The following BCAS3 variants were observed in gnomAD, a reference collection of about 807,000 sequenced individuals.
BCAS3 encodes BCAS3 microtubule associated cell migration factor, also known as BCAS4/BCAS3 fusion.
A neutral mutation model predicts 116.1 loss-of-function variants in BCAS3; 53 were observed. That is an observed-to-expected ratio of 0.46 (90% CI 0.37 to 0.57). The LOEUF (loss-of-function observed/expected upper bound fraction) is 0.57, where lower values mean the gene tolerates loss of function less well. Among genes scored for constraint, BCAS3 ranks in the 20% least tolerant of loss-of-function variants. The pLI, the probability that BCAS3 is intolerant of heterozygous loss-of-function variation, is 0.00. For synonymous variants in BCAS3, 391 were observed against 408.2 expected, an observed-to-expected ratio of 0.96 and a Z score of 0.51; for missense variants, 917 against 1,165.4, an observed-to-expected ratio of 0.79 and a Z score of 3.10.
chr17:60,830,141 A>G (rs9896626), intron 7 of BCAS3, among the ~76,000 whole-genome samples: 33,275 of 152,004 alleles, frequency 0.22, 4,699 homozygotes, highest in African/African-American at 0.41. Context: ...ACAGGTGAAT[A>G]CCACCACGCC....
intron 22 of BCAS3, among the ~76,000 whole-genome samples, chr17:61,231,843 A>G (rs1341790632): frequency 7.0e-6 from 1 of 143,260 alleles, no homozygotes; most frequent in Non-Finnish European, 1.5e-5. Flanking sequence ...GCACCACTGC[A>G]CTCAAGCCTG....
chr17:60,740,210 A>G (rs541840234), intron 5 of BCAS3, among the ~76,000 whole-genome samples: 69 of 152,190 alleles, frequency 4.5e-4, no homozygotes, highest in African/African-American at 1.6e-3. Flanking sequence ...AAAGGAAGAT[A>G]TGGTCCATGT....
Position 61,377,802 on chromosome 17 carries a change from A to G in BCAS3, c.2593+9308A>G, listed in dbSNP as rs1259688014. 6.6e-6 allele frequency: 1 copy of G among 152,270 alleles called. No individual in the cohort carries two copies. The highest frequency in any genetic ancestry group is 2.4e-5 in the African/African-American group (1 of 41,464). The allele number at this position is 152,270 out of a possible 1,614,324, so 9.4% of individuals were successfully genotyped here. ...GTCCTCTAATTGTCAGAGCACTGCC[A>G]GGTAGACCTTCCCCTCTCCAGTTTA... On this transcript the variant is annotated intron_variant, in intron 23 of 23. Coordinates refer to ENST00000407086, the MANE Select transcript of BCAS3 (RefSeq NM_017679.5). The surrounding 1 kb of genome is among the most constrained non-coding windows in gnomAD (Gnocchi z 4.6).
chr17:61,322,820 G>C (rs868464500), intron 22 of BCAS3, among the ~76,000 whole-genome samples: 30 of 130,434 alleles, frequency 2.3e-4, no homozygotes, highest in African/African-American at 4.1e-4. Context: ...GAGAGAGAGA[G>C]AGAGAGAGAC....
intron 22 of BCAS3, among the ~76,000 whole-genome samples, chr17:61,329,951 G>C (rs976218105): frequency 3.3e-5 from 5 of 152,152 alleles, no homozygotes; most frequent in Non-Finnish European, 1.5e-5. Flanking sequence ...AGCAGACACT[G>C]TTAGGCGCTA....
Position 61,242,276 on chromosome 17 carries a change from CA to C in BCAS3, c.2426-126033del, listed in dbSNP as rs372656421. On this transcript the variant is annotated intron_variant, in intron 22 of 23. Transcript: ENST00000407086. ...GGGCAGCAAATGTGAAACTCTGTCT[CA>C]AAAAAAAAAAAAAAAAATCCAAACA... 2.6e-3 allele frequency among the ~76,000 whole-genome samples: 339 copies of C among 130,918 alleles called. 1 individual carries two copies. Among genetic ancestry groups the C allele is most frequent in the African/African-American group, 7.8e-3 (265 of 33,840 alleles). The allele number at this position is 130,918 out of a possible 152,430, so 85.9% of individuals were successfully genotyped here. A position where few individuals can be genotyped will look rare whatever the true frequency, so the allele number is the denominator to read the frequency against.
intron 6 of BCAS3, among the ~76,000 whole-genome samples, chr17:60,805,153 A>C (rs907935413): frequency 6.6e-6 from 1 of 151,978 alleles, no homozygotes; most frequent in Non-Finnish European, 1.5e-5. Context: ...TGTAGTTAAA[A>C]ATTTTTAAGT....
chr17:60,912,224 A>G (rs1162884565), intron 12 of BCAS3, among the ~76,000 whole-genome samples: 1 of 152,150 alleles, frequency 6.6e-6, no homozygotes, highest in Non-Finnish European at 1.5e-5. Context: ...AGATAGGAGT[A>G]GGGCAGTATT....
chr17:60,860,460 C>G (rs751678946), intron 7 of BCAS3, among the ~76,000 whole-genome samples: 2 of 152,200 alleles, frequency 1.3e-5, no homozygotes, highest in Admixed American at 1.3e-4. Flanking sequence ...GTTTCTTGTG[C>G]TGTGCTGAAG....
chr17:60,731,796 T>TTTTTTTTTTTTA (rs2040476984), intron 5 of BCAS3, among the ~76,000 whole-genome samples: 3 of 151,182 alleles, frequency 2.0e-5, no homozygotes, highest in African/African-American at 7.3e-5. Context: ...TTTTTTTTTT[T>TTTTTTTTTTTTA]GAGGCAGAGT....
At chr17:61,043,450 G>A (rs1414722427) in intron 19 of BCAS3, among the ~76,000 whole-genome samples, 1 of 152,040 alleles carries the variant, frequency 6.6e-6, no homozygotes. Context: ...GTCCTTGAAT[G>A]ATGTCATTTT....
intron 6 of BCAS3, among the ~76,000 whole-genome samples, chr17:60,807,583 A>G (rs1248686291): frequency 2.0e-5 from 3 of 152,148 alleles, no homozygotes; most frequent in Non-Finnish European, 4.4e-5. Flanking sequence ...GGAGTGTGAG[A>G]CCAGGCTGAC....
At chr17:60,737,835 G>A (rs1464598522) in intron 5 of BCAS3, among the ~76,000 whole-genome samples, 2 of 151,934 alleles carry the variant, frequency 1.3e-5, no homozygotes. Flanking sequence ...TGCCTGGGCT[G>A]GAGTGCAGTG....
rs1202286676 is a variant in BCAS3, at chr17:61,214,927, G to C, written c.2425+130363G>C. On this transcript the variant is annotated intron_variant, in intron 22 of 23. Transcript: ENST00000407086. This position sits in a 1 kb window ranked among gnomAD's most constrained non-coding sequence, Gnocchi z 4.4. ...TTTCACTGCAGAAAATTTACCACTT[G>C]CATGTACTTACTGCATTGGTTTACC... Among the ~76,000 whole-genome samples the C allele has an allele frequency of 6.6e-6, 1 of 152,036 alleles. No individual in the cohort carries two copies. Among genetic ancestry groups the C allele is most frequent in the African/African-American group, 2.4e-5 (1 of 41,372 alleles).
intron 6 of BCAS3, among the ~76,000 whole-genome samples, chr17:60,785,342 A>G (rs1025144578): frequency 1.3e-5 from 2 of 151,964 alleles, no homozygotes; most frequent in Non-Finnish European, 2.9e-5. Context: ...TAATTTTAGT[A>G]GAAATCGGGT....
rs148370203 is a variant in BCAS3 at position 60,910,998 on chromosome 17, T to C, written c.993+296T>C. 9.3e-3 allele frequency among the ~76,000 whole-genome samples: 1,419 copies of C among 152,138 alleles called. 11 individuals are homozygous for C. Among genetic ancestry groups the C allele is most frequent in the Non-Finnish European group, 0.013 (908 of 68,002 alleles). On this transcript the variant is annotated intron_variant, in intron 12 of 23. Transcript: ENST00000407086. Reference sequence around the variant, plus strand: ...TATATAACATTTAATACTGTTCTGTTCATAATATTCTTTTTTTTCTTAACT... The same window carrying C: ...TATATAACATTTAATACTGTTCTGTCCATAATATTCTTTTTTTTCTTAACT...
chr17:61,007,306 C>G lies in BCAS3; in HGVS notation c.1487-8445C>G, dbSNP rs1324335650. Among the ~76,000 whole-genome samples the G allele has an allele frequency of 1.3e-5, 2 of 151,890 alleles. No homozygotes were observed. The highest frequency in any genetic ancestry group is 3.9e-4 in the East Asian group (2 of 5,186). The stretch of plus-strand genomic sequence containing the variant: ...CCTTGTTCTAGGCCCACCTTGTTAC[C>G]TTTTGGAGTTGTGTCAACTATACTT... On this transcript the variant is annotated intron_variant, in intron 15 of 23. Transcript: ENST00000407086. The surrounding 1 kb of genome is among the most constrained non-coding windows in gnomAD (Gnocchi z 4.3).
At chr17:61,182,262 A>G (rs2079524202) in intron 22 of BCAS3, among the ~76,000 whole-genome samples, 1 of 152,222 alleles carries the variant, frequency 6.6e-6, no homozygotes, top group African/African-American at 2.4e-5. Flanking sequence ...TTTGAGAGGC[A>G]TCTAAACCAT....
Position 60,961,275 on chromosome 17 carries a change from G to C in BCAS3, c.1221+13923G>C, listed in dbSNP as rs559839295. On this transcript the variant is annotated intron_variant, in intron 14 of 23. Coordinates refer to ENST00000407086, the MANE Select transcript of BCAS3 (RefSeq NM_017679.5). The surrounding 1 kb of genome is among the most constrained non-coding windows in gnomAD (Gnocchi z 4.8). ...GGATTAAACCTCTGTATCCGTTAAG[G>C]TTCTACCAGAGAAACAGAATCAGTA... 2.0e-5 allele frequency among the ~76,000 whole-genome samples: 3 copies of C among 152,080 alleles called. No homozygotes were observed. The highest frequency in any genetic ancestry group is 4.4e-5 in the Non-Finnish European group (3 of 68,016).
Sources: gnomAD v4.1 joint callset for allele counts (sites outside exome capture counted in the v4.1 genomes callset) on GRCh38, gnomAD v4.1.1 for gene constraint, Gnocchi (gnomAD v3.1) non-coding constraint, MANE v1.5 for transcripts, NCBI Gene and HGNC (gene_info 2026-07-23, HGNC 2026-07-21) for gene names.